The following RFX3 variants were observed in gnomAD, a reference collection of about 807,000 sequenced individuals.
RFX3 encodes regulatory factor X3.
In RFX3, 14 loss-of-function variants were observed where a neutral mutation model predicts 98.6. That is an observed-to-expected ratio of 0.14 (90% confidence interval 0.09 to 0.22). RFX3 has a LOEUF of 0.22. Ranked by LOEUF, RFX3 falls within the 10% of genes least tolerant of loss-of-function variation. The probability of loss-of-function intolerance (pLI) is 1.00; values close to 1 mark genes in which losing one functional copy is unlikely to be tolerated. For synonymous variants in RFX3, 383 were observed against 328.4 expected, an observed-to-expected ratio of 1.17 and a Z score of -1.80; for missense variants, 639 against 926.9, an observed-to-expected ratio of 0.69 and a Z score of 4.03.
chr9:3,369,670 A>G (rs529885888), intron 2 of RFX3, among the ~76,000 whole-genome samples: 1 of 152,366 alleles, frequency 6.6e-6, no homozygotes, highest in South Asian at 2.1e-4. Flanking sequence ...AACAAATCAG[A>G]TAATTACTTA....
chr9:3,241,326 TTGAG>T (rs1819893481), intron 15 of RFX3, among the ~76,000 whole-genome samples: 1 of 152,034 alleles, frequency 6.6e-6, no homozygotes, highest in African/African-American at 2.4e-5. Flanking sequence ...ACTTCCTTCC[TTGAG>T]TATTTTTAGG....
intron 1 of RFX3, among the ~76,000 whole-genome samples, chr9:3,396,773 G>C (rs1840933506): frequency 6.6e-6 from 1 of 152,098 alleles, no homozygotes. Flanking sequence ...GTTTTGATTT[G>C]CATTTCTCTG....
chr9:3,275,691 G>C, intron 8 of RFX3, 79 bp from the exon 9 acceptor site: 1 of 771,956 alleles, frequency 1.3e-6, no homozygotes, highest in Non-Finnish European at 2.1e-6. Context: ...AATTTAAGAA[G>C]ACCAAAAAGA....
rs117512781 is a variant in RFX3, at chr9:3,401,796, G to C, written c.-8-6200C>G. On this transcript the variant is annotated intron_variant, in intron 1 of 16. Coordinates refer to ENST00000617270, the MANE Select transcript of RFX3 (RefSeq NM_001282116.2). Reference sequence around the variant, plus strand: ...ACCCGCCTGTTAACGGTTCTTCTTTGTACAGCCAGCTCTGGCTGAATCATG... The same window carrying C: ...ACCCGCCTGTTAACGGTTCTTCTTTCTACAGCCAGCTCTGGCTGAATCATG... Among the ~76,000 whole-genome samples the C allele has an allele frequency of 3.0e-3, 450 of 152,228 alleles. 9 individuals carry two copies. In the East Asian group the frequency reaches 0.049, roughly 17 times the overall value.
chr9:3,525,989 G>A lies in RFX3; in HGVS notation c.-251C>T, dbSNP rs1285688616. On this transcript the variant is annotated 5_prime_UTR_variant, in exon 1 of 17. Transcript: ENST00000617270. Reference sequence around the variant, plus strand: ...GAGAGGGAGACACTCGCACGGGGAGGGGTGGGGGAGGGAAGAGGGGAGGAG... The same window carrying A: ...GAGAGGGAGACACTCGCACGGGGAGAGGTGGGGGAGGGAAGAGGGGAGGAG... 1 of 188,612 alleles carries A rather than the reference G, an allele frequency of 5.3e-6. No homozygotes were observed. Among genetic ancestry groups the A allele is most frequent in the African/African-American group, 2.4e-5 (1 of 41,690 alleles). 11.7% of individuals were successfully genotyped at this position (188,612 alleles called of 1,614,324 possible). A position where few individuals can be genotyped will look rare whatever the true frequency, so the allele number is the denominator to read the frequency against.
intron 3 of RFX3, among the ~76,000 whole-genome samples, chr9:3,337,484 C>T (rs148768343): frequency 6.6e-6 from 1 of 152,134 alleles, no homozygotes; most frequent in Non-Finnish European, 1.5e-5. Flanking sequence ...ACTCAAATAA[C>T]CAGGTGGACT....
At chr9:3,264,816 C>G (rs961482662) in intron 12 of RFX3, among the ~76,000 whole-genome samples, 2 of 152,120 alleles carry the variant, frequency 1.3e-5, no homozygotes, top group African/African-American at 4.8e-5. Flanking sequence ...CAGACGGTAC[C>G]CTCTACTGTG....
chr9:3,263,229 G>C, intron 12 of RFX3, 145 bp from the exon 13 acceptor site: 1 of 807,702 alleles, frequency 1.2e-6, no homozygotes, highest in Non-Finnish European at 1.9e-6. Context: ...GAGTTTACTT[G>C]TAAATTACAG....
intron 16 of RFX3, among the ~76,000 whole-genome samples, chr9:3,228,292 T>C (rs1320480249): frequency 1.3e-5 from 2 of 152,214 alleles, no homozygotes; most frequent in African/African-American, 4.8e-5. Context: ...TCTTCAGAAA[T>C]ATATATCATG....
chr9:3,414,513 G>T (rs1001879740), intron 1 of RFX3, among the ~76,000 whole-genome samples: 13 of 149,676 alleles, frequency 8.7e-5, no homozygotes, highest in Admixed American at 6.1e-4. Context: ...ATATATAAGA[G>T]TATATATATA....
intron 1 of RFX3, among the ~76,000 whole-genome samples, chr9:3,402,054 A>G (rs62526379): frequency 0.029 from 4,380 of 152,272 alleles, 87 homozygotes; most frequent in Non-Finnish European, 0.044. Context: ...AATACACTCA[A>G]ATTCACAGTT....
At chr9:3,465,850 A>G (rs34601938) in intron 1 of RFX3, among the ~76,000 whole-genome samples, 7,217 of 152,248 alleles carry the variant, frequency 0.047, 207 homozygotes, top group Middle Eastern at 0.092. Context: ...CAAAGGAGAT[A>G]GGGGAACTTG....
At chr9:3,456,672 T>C (rs1183086026) in intron 1 of RFX3, among the ~76,000 whole-genome samples, 1 of 152,158 alleles carries the variant, frequency 6.6e-6, no homozygotes, top group Non-Finnish European at 1.5e-5. Flanking sequence ...AATTTGGCCA[T>C]CTATTAAATA....
intron 2 of RFX3, among the ~76,000 whole-genome samples, chr9:3,384,526 G>A (rs945197022): frequency 6.6e-6 from 1 of 152,148 alleles, no homozygotes; most frequent in African/African-American, 2.4e-5. Context: ...CTACCTTGCA[G>A]GGTTGTTTTA....
In RFX3 at chr9:3,278,419, C is replaced by T. The variant is rs558824909; in HGVS notation, c.852-958G>A. ...ATACTATCTAGAGATAACATTCACA[C>T]TATGCTGTCTGGCCTCCCATTCTTT... is the stretch of plus-strand genomic sequence containing the variant. On this transcript the variant is annotated intron_variant, in intron 7 of 16. Transcript: ENST00000617270. Among the ~76,000 whole-genome samples, 6 of 151,946 alleles carry T rather than the reference C, an allele frequency of 3.9e-5. No homozygotes were observed. The East Asian group carries it at 1.2e-3, about 29-fold the overall frequency.
intron 2 of RFX3, among the ~76,000 whole-genome samples, chr9:3,394,472 A>G (rs1015638203): frequency 6.6e-6 from 1 of 152,214 alleles, no homozygotes; most frequent in East Asian, 1.9e-4. Flanking sequence ...AAAAAACAAA[A>G]CAAAACAAAC....
At chr9:3,525,199 A>G (rs915537785) in intron 1 of RFX3, among the ~76,000 whole-genome samples, 10 of 152,342 alleles carry the variant, frequency 6.6e-5, no homozygotes, top group African/African-American at 2.4e-4. Flanking sequence ...AGGATTAAAA[A>G]TAACAAAACC....
intron 1 of RFX3, among the ~76,000 whole-genome samples, chr9:3,524,063 T>C (rs991886578): frequency 6.6e-6 from 1 of 151,668 alleles, no homozygotes; most frequent in Non-Finnish European, 1.5e-5. Flanking sequence ...GTCAGTTAAA[T>C]CAATATATGT....
intron 2 of RFX3, among the ~76,000 whole-genome samples, chr9:3,387,509 C>T (rs1587454513): frequency 6.6e-6 from 1 of 152,110 alleles, no homozygotes; most frequent in East Asian, 1.9e-4. Flanking sequence ...CACAGCAAGA[C>T]TTATTTCCAT....
Sources: gnomAD v4.1 joint callset for allele counts (sites outside exome capture counted in the v4.1 genomes callset) on GRCh38, gnomAD v4.1.1 for gene constraint, MANE v1.5 for transcripts, NCBI Gene and HGNC (gene_info 2026-07-23, HGNC 2026-07-21) for gene names.